The following PCDH11X variants were observed in gnomAD, a reference collection of about 807,000 sequenced individuals.
The protein encoded by PCDH11X is protocadherin 11 X-linked.
PCDH11X carries 18 observed loss-of-function variants against 53.3 expected under a neutral mutation model. The ratio of observed to expected loss-of-function variants is 0.34; its 90% confidence interval spans 0.23 to 0.50. The LOEUF is 0.50. Among genes scored for constraint, PCDH11X ranks in the 20% least tolerant of loss-of-function variants. PCDH11X has a pLI of 0.98. For missense variants in PCDH11X, 570 were observed against 1,032.4 expected, an observed-to-expected ratio of 0.55 and a Z score of 6.14; for synonymous variants, 279 against 393.3, an observed-to-expected ratio of 0.71 and a Z score of 3.44.
At chrX:92,239,188 G>T (rs2067221852) in intron 7 of PCDH11X, among the ~76,000 whole-genome samples, 1 of 111,641 alleles carries the variant, frequency 9.0e-6, no homozygotes, top group African/African-American at 3.2e-5. Flanking sequence ...GCAAGAAGAT[G>T]AAGTCTGTAT....
At chrX:92,078,567 C>T (rs1342940162) in intron 6 of PCDH11X, among the ~76,000 whole-genome samples, 2 of 111,031 alleles carry the variant, frequency 1.8e-5, no homozygotes, top group Non-Finnish European at 3.8e-5. Flanking sequence ...AGCAGCAACA[C>T]TGTTTGTATA....
rs2063316129 is a variant in PCDH11X, at chrX:92,048,046, C to T, written c.3034-153329C>T. 7.2e-5 allele frequency among the ~76,000 whole-genome samples: 8 copies of T among 110,769 alleles called. No homozygotes were observed. The Admixed American group carries it at 7.7e-4, about 11-fold the overall frequency. ...CAGGCTAAAGTAATGACATTTGTAT[C>T]AGCATTAGAAGTAGAAGTACTTAGT... On this transcript the variant is annotated intron_variant, in intron 6 of 10. Transcript: ENST00000682573.
chrX:91,779,437 C>A lies in PCDH11X; in HGVS notation c.-626C>A, dbSNP rs1216493255. 1 of 106,877 alleles carries A rather than the reference C, an allele frequency of 9.4e-6. No homozygotes were observed. Among genetic ancestry groups the A allele is most frequent in the East Asian group, 3.0e-4 (1 of 3,350 alleles). 8.8% of individuals were successfully genotyped at this position (106,877 alleles called of 1,213,427 possible). The stretch of plus-strand genomic sequence containing the variant: ...CAGTAGCTGCACTCAGCTGCCCGCG[C>A]GGCAAAGAGGAAGGCAAGCCAAACA... On this transcript the variant is annotated 5_prime_UTR_variant, in exon 1 of 11. Transcript: ENST00000682573.
rs192270852 is a variant in PCDH11X at position 92,378,241 on chromosome X, G to A, written c.3145-9494G>A. Among the ~76,000 whole-genome samples, 334 of 106,837 alleles carry A rather than the reference G, an allele frequency of 3.1e-3. 7 individuals carry two copies. The East Asian group carries it at 0.056, about 18-fold the overall frequency. 92.8% of individuals were successfully genotyped at this position (106,837 alleles called of 115,157 possible). A position where few individuals can be genotyped will look rare whatever the true frequency, so the allele number is the denominator to read the frequency against. On this transcript the variant is annotated intron_variant, in intron 8 of 10. Transcript: ENST00000682573. ...GAGAGTTTTTATTTCATAGTTTCAC[G>A]GTAAGTTGTCTTGTTTAATGGTCCT...
At chrX:92,493,599 A>T (rs1348330906) in intron 10 of PCDH11X, among the ~76,000 whole-genome samples, 65 of 108,592 alleles carry the variant, frequency 6.0e-4, no homozygotes, top group Non-Finnish European at 1.0e-3. Context: ...GAACGCAGAA[A>T]CTAGAGAACT....
intron 1 of PCDH11X, among the ~76,000 whole-genome samples, chrX:91,806,260 A>T (rs1471112907): frequency 8.8e-6 from 1 of 114,164 alleles, no homozygotes; most frequent in Non-Finnish European, 1.9e-5. Context: ...GTGTGTGCTA[A>T]AACACCTCCA....
intron 1 of PCDH11X, among the ~76,000 whole-genome samples, chrX:91,803,425 T>A (rs2147544726): frequency 1.8e-5 from 2 of 111,381 alleles, no homozygotes; most frequent in East Asian, 5.6e-4. Flanking sequence ...TCCTTAATAA[T>A]TACAATCTAG....
chrX:91,901,816 C>T (rs1940965610), intron 6 of PCDH11X, among the ~76,000 whole-genome samples: 1 of 111,276 alleles, frequency 9.0e-6, no homozygotes, highest in African/African-American at 3.3e-5. Flanking sequence ...CTTAGGCTCG[C>T]CAGGCATACA....
intron 9 of PCDH11X, among the ~76,000 whole-genome samples, chrX:92,443,634 C>T (rs1235458473): frequency 9.1e-6 from 1 of 109,945 alleles, no homozygotes; most frequent in South Asian, 3.9e-4. Flanking sequence ...TCTAGGTTTT[C>T]TTCTAGGATT....
At chrX:91,930,136 C>T (rs1942077085) in intron 6 of PCDH11X, among the ~76,000 whole-genome samples, 1 of 108,553 alleles carries the variant, frequency 9.2e-6, no homozygotes, top group Non-Finnish European at 1.9e-5. Flanking sequence ...GGCTCAAAGA[C>T]TCATTAAAAG....
At chrX:91,961,923 T>C (rs900797925) in intron 6 of PCDH11X, among the ~76,000 whole-genome samples, 2 of 110,532 alleles carry the variant, frequency 1.8e-5, no homozygotes, top group African/African-American at 6.6e-5. Context: ...AACCATCAGA[T>C]CTCGTGAGAA....
intron 1 of PCDH11X, among the ~76,000 whole-genome samples, chrX:91,783,262 TA>T (rs758213251): frequency 3.1e-4 from 34 of 111,149 alleles, no homozygotes; most frequent in Middle Eastern, 4.6e-3. Context: ...CGACCAAGCA[TA>T]AAACACACTC....
intron 8 of PCDH11X, among the ~76,000 whole-genome samples, chrX:92,278,051 A>T (rs1179986909): frequency 1.8e-5 from 2 of 110,944 alleles, no homozygotes; most frequent in Admixed American, 1.9e-4. Context: ...CCAGCGCTGG[A>T]GTTTTGGGTC....
chrX:92,305,928 G>T (rs1359980004), intron 8 of PCDH11X, among the ~76,000 whole-genome samples: 1 of 106,339 alleles, frequency 9.4e-6, no homozygotes, highest in Non-Finnish European at 1.9e-5. Context: ...GACAATGGCA[G>T]TGAACAGGTT....
At chrX:91,970,262 C>G (rs893695434) in intron 6 of PCDH11X, among the ~76,000 whole-genome samples, 1 of 111,282 alleles carries the variant, frequency 9.0e-6, no homozygotes, top group African/African-American at 3.3e-5. Context: ...GGGACCTGAG[C>G]GGGTTGCCAC....
At chrX:92,465,407 T>C (rs1194557847) in intron 9 of PCDH11X, among the ~76,000 whole-genome samples, 2 of 112,188 alleles carry the variant, frequency 1.8e-5, no homozygotes, top group Non-Finnish European at 3.8e-5. Flanking sequence ...TTCCAAGAAA[T>C]AACACTTTTA....
intron 10 of PCDH11X, among the ~76,000 whole-genome samples, chrX:92,505,573 TCAGTACTATG>T (rs942222121): frequency 3.6e-5 from 4 of 110,479 alleles, no homozygotes; most frequent in Non-Finnish European, 7.6e-5. Flanking sequence ...TGTTTTTGTA[TCAGTACTATG>T]CTGTTTTGAT....
intron 9 of PCDH11X, among the ~76,000 whole-genome samples, chrX:92,418,291 A>G (rs1029084168): frequency 1.1e-4 from 12 of 111,160 alleles, no homozygotes; most frequent in African/African-American, 3.9e-4. Context: ...AACAGCAGGT[A>G]ATCATAAAAT....
chrX:91,957,705 G>T (rs912130985), intron 6 of PCDH11X, among the ~76,000 whole-genome samples: 2 of 110,198 alleles, frequency 1.8e-5, no homozygotes, highest in African/African-American at 6.7e-5. Flanking sequence ...GGAGGAGACT[G>T]GATAACCATG....
Sources: allele counts gnomAD v4.1 joint callset (sites outside exome capture counted in the v4.1 genomes callset), GRCh38; gene constraint gnomAD v4.1.1; transcripts MANE v1.5; gene names NCBI Gene and HGNC (gene_info 2026-07-23, HGNC 2026-07-21).